The following SCHIP1 variants were observed in gnomAD, a reference collection of about 807,000 sequenced individuals.
SCHIP1 encodes schwannomin interacting protein 1.
SCHIP1 carries 8 observed loss-of-function variants against 29.7 expected under a neutral mutation model. The ratio of observed to expected loss-of-function variants is 0.27; its 90% CI spans 0.16 to 0.49. The LOEUF (loss-of-function observed/expected upper bound fraction) is 0.49. Ranked by LOEUF, SCHIP1 falls within the 20% of genes least tolerant of loss-of-function variation. SCHIP1 has a pLI of 0.99. For missense variants in SCHIP1, 193 were observed against 294.6 expected, an observed-to-expected ratio of 0.66 and a Z score of 2.52; for synonymous variants, 76 against 94.9, an observed-to-expected ratio of 0.80 and a Z score of 1.16.
chr3:159,560,656 C>T, the SCHIP1 span, among the ~76,000 whole-genome samples: 3 of 152,246 alleles, frequency 2.0e-5, no homozygotes, highest in East Asian at 5.8e-4. Context: ...GCCATTTCTT[C>T]ATGTAAATTC....
chr3:159,413,694 T>C, the SCHIP1 span, among the ~76,000 whole-genome samples: 3 of 152,192 alleles, frequency 2.0e-5, no homozygotes, highest in Non-Finnish European at 4.4e-5. Flanking sequence ...TTCCCTCAAG[T>C]GCAAAATAAA....
chr3:159,616,643 T>C, the SCHIP1 span, among the ~76,000 whole-genome samples: 5 of 152,216 alleles, frequency 3.3e-5, no homozygotes, highest in East Asian at 3.8e-4. Context: ...TTCCTTCAGA[T>C]AGTATATCAG....
chr3:159,302,226 T>C, the SCHIP1 span, among the ~76,000 whole-genome samples: 5 of 152,224 alleles, frequency 3.3e-5, no homozygotes, highest in African/African-American at 4.8e-5. Context: ...GCTTCAACCC[T>C]ATGTTCTATT....
At chr3:159,736,233 T>C in the SCHIP1 span, among the ~76,000 whole-genome samples, 6 of 152,342 alleles carry the variant, frequency 3.9e-5, no homozygotes, top group East Asian at 3.9e-4. Context: ...GAGGCAACCA[T>C]AGACCTGCTA....
At chr3:159,311,838 C>A in the SCHIP1 span, among the ~76,000 whole-genome samples, 1 of 152,034 alleles carries the variant, frequency 6.6e-6, no homozygotes, top group Non-Finnish European at 1.5e-5. Context: ...CTCATTCACT[C>A]CCAAGAAGGA....
chr3:159,431,702 G>A, the SCHIP1 span, among the ~76,000 whole-genome samples: 6 of 151,798 alleles, frequency 4.0e-5, no homozygotes, highest in African/African-American at 1.2e-4. Context: ...CCAGCTACTC[G>A]GGAGGCTGAG....
the SCHIP1 span, among the ~76,000 whole-genome samples, chr3:159,501,483 C>T: frequency 6.6e-6 from 1 of 152,094 alleles, no homozygotes; most frequent in Admixed American, 6.5e-5. Context: ...ACCAGGATAA[C>T]CAGATAAACA....
At chr3:159,445,807 A>G in the SCHIP1 span, among the ~76,000 whole-genome samples, 2 of 144,786 alleles carry the variant, frequency 1.4e-5, no homozygotes, top group Non-Finnish European at 3.0e-5. Flanking sequence ...GTTCTCACTC[A>G]TAGATGGGAA....
At chr3:159,347,610 T>C in the SCHIP1 span, among the ~76,000 whole-genome samples, 3 of 152,216 alleles carry the variant, frequency 2.0e-5, no homozygotes, top group Admixed American at 1.3e-4. Context: ...GAATAAAAGA[T>C]AGTGGCATTG....
chr3:159,710,034 T>G, the SCHIP1 span, among the ~76,000 whole-genome samples: 1 of 152,124 alleles, frequency 6.6e-6, no homozygotes, highest in Non-Finnish European at 1.5e-5. Context: ...ATATGGAGAT[T>G]CCTCCAAAAA....
chr3:159,427,196 C>G, the SCHIP1 span, among the ~76,000 whole-genome samples: 1 of 151,594 alleles, frequency 6.6e-6, no homozygotes, highest in Non-Finnish European at 1.5e-5. Flanking sequence ...GAAGTTCTGG[C>G]CAGGGCAATT....
chr3:159,385,523 C>T, the SCHIP1 span, among the ~76,000 whole-genome samples: 2 of 150,134 alleles, frequency 1.3e-5, no homozygotes, highest in Non-Finnish European at 2.9e-5. Flanking sequence ...CACTACTGTA[C>T]TTCAGCCTGG....
At chr3:159,591,526 C>T in the SCHIP1 span, among the ~76,000 whole-genome samples, 1 of 152,142 alleles carries the variant, frequency 6.6e-6, no homozygotes, top group African/African-American at 2.4e-5. Flanking sequence ...CCCAAATGCC[C>T]ATCAATGATA....
At chr3:159,466,676 A>T in the SCHIP1 span, among the ~76,000 whole-genome samples, 1 of 152,160 alleles carries the variant, frequency 6.6e-6, no homozygotes, top group Non-Finnish European at 1.5e-5. Flanking sequence ...ATTGTATTTC[A>T]TGGTTTGTCA....
the SCHIP1 span, among the ~76,000 whole-genome samples, chr3:159,619,864 A>C: frequency 6.6e-6 from 1 of 152,230 alleles, no homozygotes; most frequent in African/African-American, 2.4e-5. Flanking sequence ...TATTTGCCTT[A>C]TCATTTTCAA....
chr3:159,553,767 C>A, the SCHIP1 span, among the ~76,000 whole-genome samples: 3 of 152,084 alleles, frequency 2.0e-5, no homozygotes, highest in Non-Finnish European at 4.4e-5. Context: ...TGAGCCACTG[C>A]GCCCAGCCAG....
chr3:159,487,496 G>A, the SCHIP1 span, among the ~76,000 whole-genome samples: 1 of 152,114 alleles, frequency 6.6e-6, no homozygotes, highest in Non-Finnish European at 1.5e-5. Flanking sequence ...TTTCACAGTT[G>A]GAGCTGCTTT....
intron 1 of SCHIP1, among the ~76,000 whole-genome samples, chr3:159,855,734 A>T (rs953464800): frequency 1.3e-5 from 2 of 152,166 alleles, no homozygotes; most frequent in African/African-American, 4.8e-5. Context: ...TAAAAAATTG[A>T]TACATCCCTG....
the SCHIP1 span, among the ~76,000 whole-genome samples, chr3:159,287,788 C>T: frequency 1.4e-4 from 22 of 152,258 alleles, no homozygotes; most frequent in African/African-American, 4.3e-4. Context: ...GCAAGTGAAG[C>T]TAAAAGGCAG....
Sources: allele counts gnomAD v4.1 joint callset (sites outside exome capture counted in the v4.1 genomes callset), GRCh38; gene constraint gnomAD v4.1.1; transcripts MANE v1.5; gene names NCBI Gene and HGNC (gene_info 2026-07-23, HGNC 2026-07-21).